ZNF296: variants seen among roughly 807,000 people sequenced by gnomAD.
ZNF296 encodes zinc finger protein 342.
ZNF296 carries 1 observed loss-of-function variant against 13.2 expected under a neutral mutation model. The observed-to-expected ratio is 0.08, with a 90% CI of 0.03 to 0.36. The LOEUF (loss-of-function observed/expected upper bound fraction) is 0.36. Among genes scored for constraint, ZNF296 ranks in the 10% least tolerant of loss-of-function variants. The probability of loss-of-function intolerance (pLI) is 0.99; values close to 1 mark genes in which losing one functional copy is unlikely to be tolerated. For missense variants in ZNF296, 555 were observed against 688.2 expected, an observed-to-expected ratio of 0.81 and a Z score of 2.16; for synonymous variants, 303 against 289.0, an observed-to-expected ratio of 1.05 and a Z score of -0.49.
chr19:45,076,064 C>T lies in ZNF296; in HGVS notation c.298+12G>A, dbSNP rs1161509452. 2 of 1,579,328 alleles carry T rather than the reference C, an allele frequency of 1.3e-6. No homozygotes were observed. Among genetic ancestry groups the T allele is most frequent in the Non-Finnish European group, 8.6e-7 (1 of 1,168,354 alleles). On this transcript the variant is annotated intron_variant, in intron 1 of 2. Transcript: ENST00000303809. This position sits in a 1 kb window ranked among gnomAD's most constrained non-coding sequence, Gnocchi z 4.9. ...GGTAAGGGAGGCTGGGCCCAGGGCC[C>T]GGGGTGCTCACCGGGATAGTTCGGG...
rs747538592 is a variant in ZNF296, at chr19:45,072,069, G to A, written c.960C>T (p.Ser320=). ...CGGCGGCTCCAGCCCCCTCACCACCGCTGCATGGAAGGGTGCTGGTGGGGG... is the reference window on the plus strand; with the variant it reads ...CGGCGGCTCCAGCCCCCTCACCACCACTGCATGGAAGGGTGCTGGTGGGGG... ...AAAPTSTLPC[S]GGEGAGAAAT... is the part of the protein sequence containing the mutation. The change falls in exon 3 of 3, where the codon AGC becomes AGT. Residue 320 remains serine (S), a synonymous_variant. Transcript: ENST00000303809. 8.4e-5 allele frequency: 136 copies of A among 1,612,220 alleles called. No homozygotes were observed. The highest frequency in any genetic ancestry group is 1.1e-4 in the Non-Finnish European group (127 of 1,179,892).
intron 2 of ZNF296, among the ~76,000 whole-genome samples, chr19:45,073,692 C>T (rs998610763): frequency 6.6e-6 from 1 of 151,556 alleles, no homozygotes; most frequent in Non-Finnish European, 1.5e-5. Flanking sequence ...TAGGCGTGAG[C>T]CACCATACCT....
Position 45,071,874 on chromosome 19 carries a change from C to G in ZNF296, c.1155G>C (p.Gly385=), listed in dbSNP as rs1411566900. The G allele has an allele frequency of 5.6e-6, 9 of 1,612,926 alleles. No individual in the cohort carries two copies. The Admixed American group carries it at 1.2e-4, about 21-fold the overall frequency. ...PKSGGKSRGP[G]GSCEFCGKHF... The stretch of plus-strand genomic sequence containing the variant: ...GCTTCCCGCAGAACTCACAGCTGCC[C>G]CCGGGCCCGCGGCTCTTGCCCCCTG... The change falls in exon 3 of 3, where the codon GGG becomes GGC. Residue 385 remains glycine, a synonymous_variant. Transcript: ENST00000303809.
Position 45,076,266 on chromosome 19 carries a change from G to C in ZNF296, c.108C>G (p.Pro36=), listed in dbSNP as rs1228198182. The change falls in exon 1 of 3, where the codon CCC becomes CCG. Residue 36 remains proline, a synonymous_variant. Coordinates refer to ENST00000303809, the MANE Select transcript of ZNF296 (RefSeq NM_145288.3). The surrounding 1 kb of genome is among the most constrained non-coding windows in gnomAD (Gnocchi z 4.9). ...EMQDLVIELK[P]EPDAQPQQAP... ...CCTGTTGGGGCTGCGCGTCTGGCTC[G>C]GGCTTGAGTTCGATGACGAGGTCCT... 1 of 1,492,404 alleles carries C rather than the reference G, an allele frequency of 6.7e-7. No individual in the cohort carries two copies. The allele number at this position is 1,492,404 out of a possible 1,614,324, so 92.4% of individuals were successfully genotyped here.
chr19:45,073,117 G>A (rs189751132), intron 2 of ZNF296, among the ~76,000 whole-genome samples: 37 of 152,288 alleles, frequency 2.4e-4, no homozygotes, highest in Admixed American at 2.4e-3. Flanking sequence ...GCTAGGTGCT[G>A]AGCCATGGCT....
In ZNF296 at chr19:45,072,204, G is replaced by A; in HGVS notation, c.825C>T (p.Asn275=). 1 of 1,607,712 alleles carries A rather than the reference G, an allele frequency of 6.2e-7. No homozygotes were observed. Among genetic ancestry groups the A allele is most frequent in the Non-Finnish European group, 8.5e-7 (1 of 1,176,178 alleles). ...CCTGCCGGTGGGTCTTCTTGTGGCGGTTGAGCTTGCTGCTCTGGGCGCAGG... is the reference window on the plus strand; with the variant it reads ...CCTGCCGGTGGGTCTTCTTGTGGCGATTGAGCTTGCTGCTCTGGGCGCAGG... The part of the protein sequence containing the change: ...PYACAQSSKL[N]RHKKTHRQVP... Residue 275 remains asparagine (N), a synonymous_variant, in exon 3 of 3, where the codon AAC becomes AAT. Transcript: ENST00000303809.
At chr19:45,073,754 T>G (rs1967295867) in intron 2 of ZNF296, among the ~76,000 whole-genome samples, 1 of 150,808 alleles carries the variant, frequency 6.6e-6, no homozygotes, top group Non-Finnish European at 1.5e-5. Context: ...CCGGGCACGG[T>G]GGCTCACACC....
At position 45,071,567 on chromosome 19, in the gene ZNF296, G is replaced by A. The variant is rs375511682; in HGVS notation, c.*34C>T. 614 of 1,500,598 alleles carry A rather than the reference G, an allele frequency of 4.1e-4. No homozygotes were observed. The highest frequency in any genetic ancestry group is 5.0e-4 in the Non-Finnish European group (567 of 1,133,976). The allele number at this position is 1,500,598 out of a possible 1,614,324, so 93.0% of individuals were successfully genotyped here. ...GAGGAGGTCAATGGGTGTTGGCAGC[G>A]GTACCAGGGACAGTGAGGGGGGCTT... On this transcript the variant is annotated 3_prime_UTR_variant, in exon 3 of 3. Coordinates refer to ENST00000303809, the MANE Select transcript of ZNF296 (RefSeq NM_145288.3).
chr19:45,071,667 G>A lies in ZNF296; in HGVS notation c.1362C>T (p.Phe454=), dbSNP rs776455930. ...GTTTGTCCAGGGTGGCTCGCAGGCCGAAGGGCACATGGCAGTGGGGGCACT... is the reference window on the plus strand; with the variant it reads ...GTTTGTCCAGGGTGGCTCGCAGGCCAAAGGGCACATGGCAGTGGGGGCACT... ...RFECPHCHVP[F]GLRATLDKHL... is the part of the protein sequence containing the mutation. Residue 454 remains phenylalanine (F), a synonymous_variant, in exon 3 of 3, where the codon TTC becomes TTT. Coordinates refer to ENST00000303809, the MANE Select transcript of ZNF296 (RefSeq NM_145288.3). 3.0e-5 allele frequency: 46 copies of A among 1,559,212 alleles called. No homozygotes were observed. The highest frequency in any genetic ancestry group is 3.7e-5 in the Non-Finnish European group (43 of 1,153,728).
At chr19:45,074,337 G>A (rs985454183) in intron 2 of ZNF296, among the ~76,000 whole-genome samples, 2 of 152,182 alleles carry the variant, frequency 1.3e-5, no homozygotes, top group Non-Finnish European at 2.9e-5. Context: ...CTCCAGCCTG[G>A]GTGACAGAGT....
chr19:45,072,649 A>G (rs1162207412), intron 2 of ZNF296, 69 bp from the exon 3 acceptor site: 4 of 1,508,978 alleles, frequency 2.7e-6, no homozygotes, highest in Non-Finnish European at 2.7e-6. Context: ...TGGGATAGGC[A>G]CTCCTGCAGG....
In ZNF296 at chr19:45,076,227, C is replaced by T. The variant is rs375195199; in HGVS notation, c.147G>A (p.Gly49=). The change falls in exon 1 of 3, where the codon GGG becomes GGA. Residue 49 remains glycine (G), a synonymous_variant. Transcript: ENST00000303809. The surrounding 1 kb of genome is among the most constrained non-coding windows in gnomAD (Gnocchi z 4.9). ...AGGACACCTCCTTCGGGGAGAAGGG[C>T]CCCAGCCTTGGGGCCTGTTGGGGCT... is the stretch of plus-strand genomic sequence containing the variant. The part of the protein sequence containing the change: ...DAQPQQAPRL[G]PFSPKEVSSA... 11 of 1,508,482 alleles carry T rather than the reference C, an allele frequency of 7.3e-6. No individual in the cohort carries two copies. The African/African-American group carries it at 1.4e-4, about 20-fold the overall frequency. The allele number at this position is 1,508,482 out of a possible 1,614,324, so 93.4% of individuals were successfully genotyped here.
intron 2 of ZNF296, among the ~76,000 whole-genome samples, chr19:45,074,908 AGCT>A (rs756403532): frequency 2.0e-5 from 3 of 152,118 alleles, no homozygotes; most frequent in Middle Eastern, 3.2e-3. Flanking sequence ...CCAGCTCTAA[AGCT>A]GATTCAATCA....
intron 2 of ZNF296, among the ~76,000 whole-genome samples, chr19:45,074,233 C>T (rs977105275): frequency 5.3e-5 from 8 of 151,600 alleles, no homozygotes; most frequent in African/African-American, 1.5e-4. Context: ...TGGTGGTGCA[C>T]GCCTGTAGTC....
chr19:45,071,529 G>A lies in ZNF296; in HGVS notation c.*72C>T, dbSNP rs1967253745. 4.0e-6 allele frequency: 6 copies of A among 1,490,172 alleles called. No homozygotes were observed. Among genetic ancestry groups the A allele is most frequent in the Admixed American group, 2.3e-5 (1 of 43,264 alleles). 92.3% of individuals were successfully genotyped at this position (1,490,172 alleles called of 1,614,324 possible). On this transcript the variant is annotated 3_prime_UTR_variant, in exon 3 of 3. Coordinates refer to ENST00000303809, the MANE Select transcript of ZNF296 (RefSeq NM_145288.3). ...TAAAAGGGAAAATTTACTTGGAGAA[G>A]GCGGGCAAAAACGAGGAGGTCAATG...
chr19:45,075,107 C>A (rs1054338351), intron 2 of ZNF296, among the ~76,000 whole-genome samples: 1 of 152,212 alleles, frequency 6.6e-6, no homozygotes, highest in Non-Finnish European at 1.5e-5. Flanking sequence ...CTTTTAATTC[C>A]CTCCCAAGAG....
In ZNF296 at chr19:45,072,336, G is replaced by A. The variant is rs1306431161; in HGVS notation, c.693C>T (p.Pro231=). Reference sequence around the variant, plus strand: ...GGGTCTTCTTGCACACAGGACAGGTGGGGCTCCGCCGGGTGAGGCCGCTGC... The same window carrying A: ...GGGTCTTCTTGCACACAGGACAGGTAGGGCTCCGCCGGGTGAGGCCGCTGC... ...ASGSGLTRRS[P]TCPVCKKTLS... Residue 231 remains proline (P), a synonymous_variant, in exon 3 of 3, where the codon CCC becomes CCT. Transcript: ENST00000303809. 4.3e-6 allele frequency: 7 copies of A among 1,612,872 alleles called. No individual in the cohort carries two copies. The South Asian group carries it at 6.6e-5, about 15-fold the overall frequency.
At chr19:45,073,102 T>TA (rs1253748255) in intron 2 of ZNF296, among the ~76,000 whole-genome samples, 2 of 152,152 alleles carry the variant, frequency 1.3e-5, no homozygotes, top group African/African-American at 2.4e-5. Context: ...AAGCGCTTCC[T>TA]ACATGCTAGG....
At chr19:45,073,653 C>T (rs560870738) in intron 2 of ZNF296, among the ~76,000 whole-genome samples, 6 of 151,634 alleles carry the variant, frequency 4.0e-5, no homozygotes, top group Non-Finnish European at 2.9e-5. Flanking sequence ...GTAATCCTTC[C>T]GCCTCAGCCC....
Sources: gnomAD v4.1 joint callset for allele counts (sites outside exome capture counted in the v4.1 genomes callset) on GRCh38, gnomAD v4.1.1 for gene constraint, Gnocchi (gnomAD v3.1) non-coding constraint, MANE v1.5 for transcripts, NCBI Gene and HGNC (gene_info 2026-07-23, HGNC 2026-07-21) for gene names.